Variants in ZNF750 observed in about 807,000 individuals in gnomAD.
The protein encoded by ZNF750 is zinc finger protein 750, also known as protein ZNF750.
In ZNF750, 10 loss-of-function variants were observed where a neutral mutation model predicts 31.6. That is an observed-to-expected ratio of 0.32 (90% CI 0.19 to 0.54). ZNF750 has a LOEUF of 0.54. Among genes scored for constraint, ZNF750 ranks in the 20% least tolerant of loss-of-function variants. ZNF750 has a pLI of 0.95. For synonymous variants in ZNF750, 400 were observed against 404.9 expected, an observed-to-expected ratio of 0.99 and a Z score of 0.15; for missense variants, 914 against 934.9, an observed-to-expected ratio of 0.98 and a Z score of 0.29.
chr17:82,834,880 T>TAA (rs148009121), intron 1 of ZNF750, among the ~76,000 whole-genome samples: 2 of 149,268 alleles, frequency 1.3e-5, no homozygotes, highest in African/African-American at 4.9e-5. Flanking sequence ...TAAAGTATAA[T>TAA]AAAAAAAAAA....
In ZNF750 at chr17:82,830,448, G is replaced by A. The variant is rs770366255; in HGVS notation, c.1866C>T (p.Cys622=). 3.1e-6 allele frequency: 5 copies of A among 1,612,316 alleles called. No homozygotes were observed. The highest frequency in any genetic ancestry group is 4.5e-5 in the East Asian group (2 of 44,886). Residue 622 remains cysteine (C), a synonymous_variant, in exon 3 of 3, where the codon TGC becomes TGT. Transcript: ENST00000269394. ...TCTGCTCCTCGCTGCTGTCCACCGCGCATGCGTCTGGAGCCTCCTCGCCGG... is the reference window on the plus strand; with the variant it reads ...TCTGCTCCTCGCTGCTGTCCACCGCACATGCGTCTGGAGCCTCCTCGCCGG... ...TGPGEEAPDA[C]AVDSSEEQKQ... is the part of the protein sequence containing the mutation.
In ZNF750 at chr17:82,830,247, C is replaced by CGACAA; in HGVS notation, c.2066_2067insTTGTC (p.Arg689SerfsTer6). On this transcript the variant is annotated frameshift_variant, in exon 3 of 3. Transcript: ENST00000269394. LOFTEE classifies it low-confidence loss of function (END_TRUNC). ...ATTTTCCAGCATCCCTTAGACTTGT[C>CGACAA]CTCTTTTGTCCTTTGGGTCTGAGGT... is the stretch of plus-strand genomic sequence containing the variant. 6.2e-7 allele frequency: 1 copy of CGACAA among 1,614,244 alleles called. No homozygotes were observed. Among genetic ancestry groups the CGACAA allele is most frequent in the Non-Finnish European group, 8.5e-7 (1 of 1,180,046 alleles).
rs769691762 is a variant in ZNF750 at position 82,830,495 on chromosome 17, C to A, written c.1819G>T (p.Asp607Tyr). Residue 607 changes from aspartate (D) to tyrosine (Y), a missense_variant, in exon 3 of 3, where the codon GAC becomes TAC. Physicochemically the swap from Asp to Tyr is radical, Grantham distance 160. This residue lies in a region of ZNF750 where 880 missense variants were observed against 868.9 expected (regional missense o/e 1.01). Coordinates refer to ENST00000269394, the MANE Select transcript of ZNF750 (RefSeq NM_024702.3). ...PETKPGSLDG[D>Y]GAPPTGPGEE... ...CCGGGGCCTGTGGGTGGGGCCCCGT[C>A]ACCGTCGAGGCTGCCTGGCTTGGTC... 8.7e-6 allele frequency: 14 copies of A among 1,613,246 alleles called. No homozygotes were observed. In the Admixed American group the frequency reaches 2.3e-4, roughly 27 times the overall value.
chr17:82,830,977 A>G, intron 2 of ZNF750, 42 bp downstream of exon 2: 1 of 1,613,660 alleles, frequency 6.2e-7, no homozygotes, highest in Non-Finnish European at 8.5e-7. Flanking sequence ...GAACCCAACC[A>G]GAAACATTCC....
In ZNF750 at chr17:82,835,132, G is replaced by C. The variant is rs2053857778; in HGVS notation, c.-182-2496C>G. 6.6e-6 allele frequency among the ~76,000 whole-genome samples: 1 copy of C among 152,148 alleles called. No individual in the cohort carries two copies. Among genetic ancestry groups the C allele is most frequent in the African/African-American group, 2.4e-5 (1 of 41,430 alleles). ...ACTGCAGTATTTTTTTTAAGGAATGGGCAGATGTGCCCATTCTTGAGTCTG... is the reference window on the plus strand; with the variant it reads ...ACTGCAGTATTTTTTTTAAGGAATGCGCAGATGTGCCCATTCTTGAGTCTG... On this transcript the variant is annotated intron_variant, in intron 1 of 2. Coordinates refer to ENST00000269394, the MANE Select transcript of ZNF750 (RefSeq NM_024702.3). The surrounding 1 kb of genome is among the most constrained non-coding windows in gnomAD (Gnocchi z 4.5).
At position 82,830,826 on chromosome 17, in the gene ZNF750, G is replaced by A. The variant is rs1466832267; in HGVS notation, c.1488C>T (p.Leu496=). 6.2e-7 allele frequency: 1 copy of A among 1,613,340 alleles called. No homozygotes were observed. ...GACTGGAAGGCGCGGCCTCCGAGAC[G>A]AGAGAGGCGCTTCCGGTCGGAGCAG... ...DPPAPTGSAS[L]VSEAAPSSPD... is the part of the protein sequence containing the mutation. The change falls in exon 3 of 3, where the codon CTC becomes CTT. Residue 496 remains leucine (L), a synonymous_variant. Transcript: ENST00000269394.
At position 82,830,168 on chromosome 17, in the gene ZNF750, G is replaced by A; in HGVS notation, c.2146C>T (p.Leu716=). The part of the protein sequence containing the change: ...KLQDTARVFT[L]RRRARVS ...TAGGACACCCGGGCCCTCCTTCGTA[G>A]TGTGAACACTCTGGCCGTGTCCTGC... Residue 716 remains leucine, a synonymous_variant, in exon 3 of 3, where the codon CTA becomes TTA. Coordinates refer to ENST00000269394, the MANE Select transcript of ZNF750 (RefSeq NM_024702.3). 1 of 1,614,174 alleles carries A rather than the reference G, an allele frequency of 6.2e-7. No homozygotes were observed. Among genetic ancestry groups the A allele is most frequent in the Non-Finnish European group, 8.5e-7 (1 of 1,180,050 alleles).
Sources: allele counts gnomAD v4.1 joint callset (sites outside exome capture counted in the v4.1 genomes callset), GRCh38; gene constraint gnomAD v4.1.1; regional missense constraint gnomAD v4.1.1; non-coding constraint Gnocchi (gnomAD v3.1); transcripts MANE v1.5; gene names NCBI Gene and HGNC (gene_info 2026-07-23, HGNC 2026-07-21).